Variants in TTBK2 observed in about 807,000 individuals in gnomAD.
The protein encoded by TTBK2 is tau-tubulin kinase 2.
TTBK2 carries 28 observed loss-of-function variants against 110.8 expected under a neutral mutation model. The ratio of observed to expected loss-of-function variants is 0.25; its 90% CI spans 0.19 to 0.35. The LOEUF is 0.35. Ranked by LOEUF, TTBK2 falls within the 10% of genes least tolerant of loss-of-function variation. TTBK2 has a pLI of 1.00. For missense variants in TTBK2, 1,369 were observed against 1,500.3 expected (o/e 0.91, Z 1.45); for synonymous variants, 532 against 527.3 (o/e 1.01, Z -0.12).
At chr15:42,878,477 A>G in intron 2 of TTBK2, 72 bp downstream of exon 2, 1 of 1,581,420 alleles carries the variant, frequency 6.3e-7, no homozygotes, top group Non-Finnish European at 8.5e-7. Context: ...ACCAAAAATT[A>G]CCCCCCGATA....
Position 42,800,001 on chromosome 15 carries a change from G to A in TTBK2, c.823-5200C>T, listed in dbSNP as rs116884097. Among the ~76,000 whole-genome samples the A allele has an allele frequency of 8.4e-4, 128 of 152,142 alleles. 3 individuals carry two copies. The East Asian group carries it at 0.022, about 26-fold the overall frequency. On this transcript the variant is annotated intron_variant, in intron 9 of 14. Coordinates refer to ENST00000267890, the MANE Select transcript of TTBK2 (RefSeq NM_173500.4). Reference sequence around the variant, plus strand: ...TGGTCTCAACTACTTGGGAGGCTGAGGTGGGAGGATTACTTGAGCCCGAGG... The same window carrying A: ...TGGTCTCAACTACTTGGGAGGCTGAAGTGGGAGGATTACTTGAGCCCGAGG...
At chr15:42,765,488 C>T (rs1384799618) in intron 13 of TTBK2, among the ~76,000 whole-genome samples, 2 of 151,894 alleles carry the variant, frequency 1.3e-5, no homozygotes, top group Non-Finnish European at 2.9e-5. Context: ...CTTCAGTAGC[C>T]GATTCTATCA....
At chr15:42,897,927 T>C (rs1176186070) in intron 1 of TTBK2, among the ~76,000 whole-genome samples, 1 of 151,826 alleles carries the variant, frequency 6.6e-6, no homozygotes, top group African/African-American at 2.4e-5. Context: ...CAGCGGCTCA[T>C]GGCAGTAATC....
intron 3 of TTBK2, among the ~76,000 whole-genome samples, chr15:42,866,719 C>A (rs1230322082): frequency 6.6e-6 from 1 of 152,092 alleles, no homozygotes; most frequent in Non-Finnish European, 1.5e-5. Flanking sequence ...AATGTCTGCT[C>A]TCAGAACACA....
rs2061895821 is a variant in TTBK2, at chr15:42,753,251, G to C, written c.1999-4C>G. On this transcript the variant is annotated splice_region_variant and splice_polypyrimidine_tract_variant and intron_variant, in intron 13 of 14. Coordinates refer to ENST00000267890, the MANE Select transcript of TTBK2 (RefSeq NM_173500.4). ...CAGAAGGTCTAGGAATTGTAATCTG[G>C]AGAAGGGGAAGAAAAAATTAAAATG... 6.2e-7 allele frequency: 1 copy of C among 1,613,626 alleles called. No individual in the cohort carries two copies. Among genetic ancestry groups the C allele is most frequent in the Non-Finnish European group, 8.5e-7 (1 of 1,179,810 alleles).
Position 42,742,208 on chromosome 15 carries a change from A to G in TTBK2, c.*3587T>C, listed in dbSNP as rs1432831584. 3 of 152,182 alleles carry G rather than the reference A, an allele frequency of 2.0e-5. No homozygotes were observed. Among genetic ancestry groups the G allele is most frequent in the African/African-American group, 7.2e-5 (3 of 41,454 alleles). The allele number at this position is 152,182 out of a possible 1,614,324, so 9.4% of individuals were successfully genotyped here. On this transcript the variant is annotated 3_prime_UTR_variant, in exon 15 of 15. Coordinates refer to ENST00000267890, the MANE Select transcript of TTBK2 (RefSeq NM_173500.4). ...GTAATGTCTACAGTGGGTCTCAGTT[A>G]CCATTTGGCTACTTATTTAGGACTC... is the stretch of plus-strand genomic sequence containing the variant.
At chr15:42,763,131 CATATATACATACAT>C (rs1427220097) in intron 13 of TTBK2, among the ~76,000 whole-genome samples, 8 of 59,846 alleles carry the variant, frequency 1.3e-4, no homozygotes, top group African/African-American at 5.9e-4. Context: ...CATATATATA[CATATATACATACAT>C]ATATATATAT....
chr15:42,912,412 G>C (rs2030816656), intron 1 of TTBK2, among the ~76,000 whole-genome samples: 1 of 152,150 alleles, frequency 6.6e-6, no homozygotes, highest in Non-Finnish European at 1.5e-5. Context: ...GTTTATATAA[G>C]ATTCTACTCT....
At chr15:42,841,774 T>C (rs931215269) in intron 3 of TTBK2, among the ~76,000 whole-genome samples, 1 of 152,190 alleles carries the variant, frequency 6.6e-6, no homozygotes, top group Non-Finnish European at 1.5e-5. Flanking sequence ...ATTAAAGATG[T>C]AGTTTTTTAC....
At chr15:42,805,646 G>C (rs2140910040) in intron 9 of TTBK2, among the ~76,000 whole-genome samples, 1 of 152,270 alleles carries the variant, frequency 6.6e-6, no homozygotes, top group South Asian at 2.1e-4. Context: ...CTCAAGTCAA[G>C]GCCATCATCA....
intron 3 of TTBK2, among the ~76,000 whole-genome samples, chr15:42,867,796 T>C (rs747666451): frequency 6.6e-6 from 1 of 152,196 alleles, no homozygotes; most frequent in Non-Finnish European, 1.5e-5. Context: ...AAACTAAACA[T>C]ACTCTTATTA....
In TTBK2 at chr15:42,746,057, G is replaced by A; in HGVS notation, c.3473C>T (p.Ser1158Leu). 1 of 1,614,158 alleles carries A rather than the reference G, an allele frequency of 6.2e-7. No individual in the cohort carries two copies. The highest frequency in any genetic ancestry group is 8.5e-7 in the Non-Finnish European group (1 of 1,180,032). The change falls in exon 15 of 15, where the codon TCA (serine) becomes TTA (leucine). Residue 1158 changes from serine to leucine, a missense_variant. By Grantham distance (145) the Ser-to-Leu change is moderately radical (BLOSUM62 -2). This residue lies in a region of TTBK2 where 1,097 missense variants were observed against 1,114.7 expected (regional missense o/e 0.98). Coordinates refer to ENST00000267890, the MANE Select transcript of TTBK2 (RefSeq NM_173500.4). The stretch of plus-strand genomic sequence containing the variant: ...GGAACTAGACGTGCGAGGCAAGGAT[G>A]AGCTTCGAGGAGAGGCACTGGGACT... ...RRSPSASPRS[S>L]SLPRTSSSSP...
At chr15:42,907,132 A>G (rs953320742) in intron 1 of TTBK2, among the ~76,000 whole-genome samples, 1 of 152,208 alleles carries the variant, frequency 6.6e-6, no homozygotes, top group African/African-American at 2.4e-5. Flanking sequence ...GATTAATATG[A>G]TATCATCTCA....
intron 3 of TTBK2, among the ~76,000 whole-genome samples, chr15:42,843,659 C>T (rs780190331): frequency 2.0e-5 from 3 of 148,576 alleles, no homozygotes; most frequent in Non-Finnish European, 3.0e-5. Context: ...CTCAAGAGGC[C>T]GAGGCAGAAG....
chr15:42,823,823 G>C (rs907833680), intron 6 of TTBK2, among the ~76,000 whole-genome samples: 7 of 151,858 alleles, frequency 4.6e-5, no homozygotes, highest in African/African-American at 1.7e-4. Context: ...ATGTGGCCCA[G>C]GGAAGCCAAA....
At chr15:42,775,835 G>A (rs1889898001) in intron 12 of TTBK2, 112 bp from the exon 13 acceptor site, 4 of 822,166 alleles carry the variant, frequency 4.9e-6, no homozygotes, top group Admixed American at 3.0e-5. Context: ...AAAAAAGATG[G>A]ATAAAGCACA....
intron 9 of TTBK2, among the ~76,000 whole-genome samples, chr15:42,807,685 C>A (rs1426221062): frequency 6.6e-6 from 1 of 152,088 alleles, no homozygotes; most frequent in Non-Finnish European, 1.5e-5. Flanking sequence ...GATACTCCTG[C>A]CTCAATCGCC....
chr15:42,856,723 A>C (rs1893959298), intron 3 of TTBK2, among the ~76,000 whole-genome samples: 1 of 152,132 alleles, frequency 6.6e-6, no homozygotes, highest in Non-Finnish European at 1.5e-5. Flanking sequence ...TTTTTTTATG[A>C]AAAAAGAAAA....
intron 1 of TTBK2, among the ~76,000 whole-genome samples, chr15:42,890,858 C>T (rs764201160): frequency 2.6e-5 from 4 of 152,000 alleles, no homozygotes; most frequent in African/African-American, 9.7e-5. Context: ...ACCATGCCTA[C>T]GTAATAAGCT....
Sources: allele counts gnomAD v4.1 joint callset (sites outside exome capture counted in the v4.1 genomes callset), GRCh38; gene constraint gnomAD v4.1.1; regional missense constraint gnomAD v4.1.1; transcripts MANE v1.5; gene names NCBI Gene and HGNC (gene_info 2026-07-23, HGNC 2026-07-21).